The following CAMTA1 variants were observed in gnomAD, a reference collection of about 807,000 sequenced individuals.
CAMTA1 encodes calmodulin binding transcription activator 1.
CAMTA1 carries 27 observed loss-of-function variants against 170.9 expected under a neutral mutation model. The observed-to-expected ratio is 0.16, with a 90% CI of 0.12 to 0.22. The LOEUF (loss-of-function observed/expected upper bound fraction) is 0.22. Among genes scored for constraint, CAMTA1 ranks in the 10% least tolerant of loss-of-function variants. The pLI is 1.00. For missense variants in CAMTA1, 1,619 were observed against 2,217.2 expected (o/e 0.73, Z 5.42); for synonymous variants, 833 against 891.5 (o/e 0.93, Z 1.17).
chr1:7,283,804 C>A (rs1574422741), intron 5 of CAMTA1, among the ~76,000 whole-genome samples: 2 of 152,220 alleles, frequency 1.3e-5, no homozygotes, highest in African/African-American at 4.8e-5. Flanking sequence ...GCAGCCCAAG[C>A]TACCACCACC....
At chr1:7,319,848 C>T (rs930996338) in intron 5 of CAMTA1, among the ~76,000 whole-genome samples, 5 of 148,320 alleles carry the variant, frequency 3.4e-5, no homozygotes, top group Non-Finnish European at 7.6e-5. Flanking sequence ...GTTTTTGATG[C>T]TATACTAAAT....
intron 5 of CAMTA1, among the ~76,000 whole-genome samples, chr1:7,353,912 C>A (rs911549784): frequency 2.6e-5 from 4 of 152,020 alleles, no homozygotes; most frequent in African/African-American, 4.8e-5. Context: ...TTCTGCCCAC[C>A]CTCCACCTAC....
chr1:7,471,304 C>T (rs2093326221), intron 6 of CAMTA1, among the ~76,000 whole-genome samples: 1 of 152,262 alleles, frequency 6.6e-6, no homozygotes, highest in Non-Finnish European at 1.5e-5. Flanking sequence ...GAGCCTCTCA[C>T]AGGCAGGGCA....
chr1:6,969,715 C>T lies in CAMTA1; in HGVS notation c.235-121589C>T, dbSNP rs1040830397. Among the ~76,000 whole-genome samples the T allele has an allele frequency of 2.6e-5, 4 of 152,334 alleles. No homozygotes were observed. In the East Asian group the frequency reaches 7.7e-4, roughly 29 times the overall value. On this transcript the variant is annotated intron_variant, in intron 3 of 22. Transcript: ENST00000303635. The stretch of plus-strand genomic sequence containing the variant: ...GATGGGTGTTTATTGGCCTTCAAAG[C>T]CAGTGTAGGCCTACGATTTAAACTT...
chr1:7,330,399 G>A (rs1037336948), intron 5 of CAMTA1, among the ~76,000 whole-genome samples: 7 of 152,170 alleles, frequency 4.6e-5, no homozygotes, highest in South Asian at 2.1e-4. Context: ...CACGTTTGTC[G>A]TGCCTTTCCT....
At position 7,601,115 on chromosome 1, in the gene CAMTA1, AC is replaced by A. The variant is rs575322161; in HGVS notation, c.511-39278del. ...GGGCGGCTGGCCGGGCCGGGGGCTG[AC>A]CCCCCCACCTCCCTCCCGGACGGGG... On this transcript the variant is annotated intron_variant, in intron 6 of 22. Coordinates refer to ENST00000303635, the MANE Select transcript of CAMTA1 (RefSeq NM_015215.4). Among the ~76,000 whole-genome samples, 895 of 140,918 alleles carry A rather than the reference AC, an allele frequency of 6.4e-3. 4 individuals carry two copies. The highest frequency in any genetic ancestry group is 0.011 in the Non-Finnish European group (687 of 64,712). The allele number at this position is 140,918 out of a possible 152,430, so 92.4% of individuals were successfully genotyped here.
intron 5 of CAMTA1, among the ~76,000 whole-genome samples, chr1:7,348,140 C>G (rs1434405667): frequency 2.0e-5 from 3 of 152,176 alleles, no homozygotes; most frequent in Non-Finnish European, 4.4e-5. Context: ...ATGCCTACCT[C>G]TCTGTCTTCT....
chr1:7,669,562 C>T (rs1478009696), intron 9 of CAMTA1, among the ~76,000 whole-genome samples: 1 of 152,196 alleles, frequency 6.6e-6, no homozygotes, highest in Non-Finnish European at 1.5e-5. Flanking sequence ...TGGCCTGGAG[C>T]AGTGGGGAAG....
At chr1:6,855,042 A>G (rs1661755669) in intron 3 of CAMTA1, among the ~76,000 whole-genome samples, 1 of 152,206 alleles carries the variant, frequency 6.6e-6, no homozygotes, top group Non-Finnish European at 1.5e-5. Flanking sequence ...TACAGGGATG[A>G]GAAAGGGAAG....
At chr1:7,212,291 G>A (rs1658917633) in intron 4 of CAMTA1, among the ~76,000 whole-genome samples, 1 of 151,894 alleles carries the variant, frequency 6.6e-6, no homozygotes, top group South Asian at 2.1e-4. Flanking sequence ...TTTTTTTAAG[G>A]ATGGAAAACA....
chr1:7,368,735 C>A (rs1044281932), intron 5 of CAMTA1, among the ~76,000 whole-genome samples: 1 of 152,194 alleles, frequency 6.6e-6, no homozygotes, highest in Non-Finnish European at 1.5e-5. Context: ...CAGCACCCAC[C>A]GTGGTACCTG....
At chr1:7,281,371 A>G (rs1406664704) in intron 5 of CAMTA1, among the ~76,000 whole-genome samples, 1 of 152,234 alleles carries the variant, frequency 6.6e-6, no homozygotes, top group African/African-American at 2.4e-5. Context: ...CATGGAGAAA[A>G]TAAAAGTTGT....
intron 5 of CAMTA1, among the ~76,000 whole-genome samples, chr1:7,462,548 C>A (rs991233746): frequency 1.3e-5 from 2 of 152,224 alleles, no homozygotes; most frequent in Non-Finnish European, 2.9e-5. Context: ...AACCACCACA[C>A]CCGGCCTAAC....
chr1:6,797,412 A>G (rs1364360631), intron 1 of CAMTA1, among the ~76,000 whole-genome samples: 2 of 142,964 alleles, frequency 1.4e-5, no homozygotes, highest in Non-Finnish European at 3.0e-5. Context: ...TTGAGATGGA[A>G]TCTAGCTCTG....
intron 6 of CAMTA1, among the ~76,000 whole-genome samples, chr1:7,572,901 A>T (rs191026513): frequency 6.6e-6 from 1 of 152,182 alleles, no homozygotes; most frequent in South Asian, 2.1e-4. Flanking sequence ...TGATCCAGCT[A>T]TCTGTATGGA....
intron 3 of CAMTA1, among the ~76,000 whole-genome samples, chr1:6,949,840 G>C (rs1213626375): frequency 6.6e-6 from 1 of 152,366 alleles, no homozygotes; most frequent in East Asian, 1.9e-4. Context: ...TTCTGCCCTC[G>C]GCACGCCAGG....
At chr1:7,270,205 A>G (rs913071591) in intron 5 of CAMTA1, among the ~76,000 whole-genome samples, 3 of 137,418 alleles carry the variant, frequency 2.2e-5, no homozygotes, top group African/African-American at 5.6e-5. Context: ...ATATATACAC[A>G]TATATATACA....
intron 7 of CAMTA1, among the ~76,000 whole-genome samples, chr1:7,644,076 G>C (rs561055784): frequency 6.6e-6 from 1 of 152,282 alleles, no homozygotes; most frequent in South Asian, 2.1e-4. Flanking sequence ...TTCCCTGCCC[G>C]CCAGCGGAGT....
intron 3 of CAMTA1, among the ~76,000 whole-genome samples, chr1:6,905,584 G>C (rs1678270417): frequency 6.6e-6 from 1 of 152,124 alleles, no homozygotes; most frequent in African/African-American, 2.4e-5. Flanking sequence ...TCAGCTCCTA[G>C]TGGAACCCTT....
Sources: allele counts gnomAD v4.1 joint callset (sites outside exome capture counted in the v4.1 genomes callset), GRCh38; gene constraint gnomAD v4.1.1; transcripts MANE v1.5; gene names NCBI Gene and HGNC (gene_info 2026-07-23, HGNC 2026-07-21).